The following TRPC1 variants were observed in gnomAD, a reference collection of about 807,000 sequenced individuals.
TRPC1 encodes the protein short transient receptor potential channel 1.
Under a neutral mutation model 88.2 loss-of-function variants are expected in TRPC1, and 42 were observed. The ratio of observed to expected loss-of-function variants is 0.48; its 90% CI spans 0.37 to 0.62. The LOEUF is 0.62. Ranked by LOEUF, TRPC1 falls within the 20% of genes least tolerant of loss-of-function variation. TRPC1 has a pLI of 0.00. For missense variants in TRPC1, 699 were observed against 957.3 expected (o/e 0.73, Z 3.56); for synonymous variants, 288 against 331.8 (o/e 0.87, Z 1.43).
intron 7 of TRPC1, chr3:142,785,389 T>A (rs528223212): frequency 5.9e-4 from 103 of 175,604 alleles, no homozygotes; most frequent in African/African-American, 2.4e-3. Flanking sequence ...TTCTTAGGTA[T>A]TTTGAAACAA....
intron 1 of TRPC1, among the ~76,000 whole-genome samples, chr3:142,731,935 A>G (rs904415226): frequency 3.9e-5 from 6 of 152,192 alleles, no homozygotes; most frequent in Non-Finnish European, 7.3e-5. Context: ...CACATCCACT[A>G]TCATTTGTTT....
chr3:142,804,488 A>G lies in TRPC1; in HGVS notation c.2012A>G (p.Tyr671Cys), dbSNP rs1936722505. The change falls in exon 12 of 13, where the codon TAC becomes TGC. Residue 671 changes from tyrosine (Y) to cysteine (C), a missense_variant. This residue lies in a region of TRPC1 where 11 missense variants were observed against 47.2 expected (regional missense o/e 0.23). Transcript: ENST00000476941. Reference protein sequence around the residue: ...KFARAKLWLSYFDDKCTLPPP... With the variant: ...KFARAKLWLSCFDDKCTLPPP... ...GCTCGAGCAAAATTATGGCTTAGCT[A>G]CTTTGATGACAAATGTACGTTACCT... 6.2e-7 allele frequency: 1 copy of G among 1,613,194 alleles called. No homozygotes were observed. Among genetic ancestry groups the G allele is most frequent in the South Asian group, 1.1e-5 (1 of 90,882 alleles).
chr3:142,777,432 A>G (rs1358111977), intron 4 of TRPC1, among the ~76,000 whole-genome samples, 200 bp from the exon 5 acceptor site: 1 of 152,200 alleles, frequency 6.6e-6, no homozygotes, highest in Non-Finnish European at 1.5e-5. Flanking sequence ...AAAGCAATAG[A>G]TAGCAAGGTT....
At chr3:142,793,001 T>G (rs752088182) in intron 9 of TRPC1, 34 bp downstream of exon 9, 2 of 1,526,820 alleles carry the variant, frequency 1.3e-6, no homozygotes, top group South Asian at 2.5e-5. Flanking sequence ...GAACATTTTT[T>G]AGATGTCATT....
At chr3:142,779,170 T>C (rs1177820803) in intron 5 of TRPC1, among the ~76,000 whole-genome samples, 2 of 152,194 alleles carry the variant, frequency 1.3e-5, no homozygotes, top group Admixed American at 6.5e-5. Context: ...GAAGCGATCA[T>C]AGAAACCCAT....
intron 7 of TRPC1, among the ~76,000 whole-genome samples, chr3:142,790,810 TAAG>T (rs1223963254): frequency 6.6e-6 from 1 of 152,148 alleles, no homozygotes; most frequent in African/African-American, 2.4e-5. Flanking sequence ...AGATGAAACT[TAAG>T]GTTATTTTCT....
Position 142,777,714 on chromosome 3 carries a change from G to A in TRPC1, c.715G>A (p.Glu239Lys). The A allele has an allele frequency of 6.2e-7, 1 of 1,613,286 alleles. No individual in the cohort carries two copies. The highest frequency in any genetic ancestry group is 8.5e-7 in the Non-Finnish European group (1 of 1,179,454). Reference sequence around the variant, plus strand: ...GGAGGATCCAATTCTGAGAGCATTTGAACTTAGTGCTGATTTAAAAGAACT... The same window carrying A: ...GGAGGATCCAATTCTGAGAGCATTTAAACTTAGTGCTGATTTAAAAGAACT... ...TEEDPILRAF[E>K]LSADLKELSL... Residue 239 changes from glutamate to lysine, a missense_variant, in exon 5 of 13, where the codon GAA becomes AAA. Coordinates refer to ENST00000476941, the MANE Select transcript of TRPC1 (RefSeq NM_001251845.2).
chr3:142,764,140 A>C (rs113758308), intron 4 of TRPC1, among the ~76,000 whole-genome samples: 22 of 150,494 alleles, frequency 1.5e-4, no homozygotes, highest in African/African-American at 5.4e-4. Flanking sequence ...TTGTCAACTG[A>C]TATATTTTTA....
At chr3:142,751,693 G>A (rs1202057741) in intron 4 of TRPC1, among the ~76,000 whole-genome samples, 2 of 152,150 alleles carry the variant, frequency 1.3e-5, no homozygotes, top group Non-Finnish European at 2.9e-5. Context: ...TTTAGGTTAA[G>A]GATTGTTAAA....
Position 142,804,558 on chromosome 3 carries a change from G to T in TRPC1, c.2082G>T (p.Met694Ile), listed in dbSNP as rs753816360. 1 of 1,613,334 alleles carries T rather than the reference G, an allele frequency of 6.2e-7. No homozygotes were observed. Among genetic ancestry groups the T allele is most frequent in the Non-Finnish European group, 8.5e-7 (1 of 1,179,582 alleles). The change falls in exon 12 of 13, where the codon ATG becomes ATT. Residue 694 changes from methionine (M) to isoleucine (I), a missense_variant. Around this residue, in one of 4 missense-constraint regions of TRPC1, gnomAD observed 105 missense variants for 141.7 expected, o/e 0.74. Transcript: ENST00000476941. ...IIPSPKTICY[M>I]ISSLSKWICS... ...CCTCACCAAAGACTATCTGCTATAT[G>T]ATTAGTAGCCTCAGTAAGTGGATTT...
chr3:142,786,253 T>C (rs1286913606), intron 7 of TRPC1, among the ~76,000 whole-genome samples: 1 of 152,218 alleles, frequency 6.6e-6, no homozygotes, highest in African/African-American at 2.4e-5. Flanking sequence ...GTACTGAGTG[T>C]ATTTATCTTT....
At chr3:142,788,131 G>A (rs182937328) in intron 7 of TRPC1, among the ~76,000 whole-genome samples, 2 of 152,138 alleles carry the variant, frequency 1.3e-5, no homozygotes, top group African/African-American at 2.4e-5. Context: ...GGAAACCATT[G>A]CCTACCTGAA....
chr3:142,768,657 TTGTTCCTC>T (rs1935477761), intron 4 of TRPC1, among the ~76,000 whole-genome samples: 1 of 152,106 alleles, frequency 6.6e-6, no homozygotes. Context: ...CTCTTTGTTG[TTGTTCCTC>T]TGTTCCTCCT....
intron 6 of TRPC1, among the ~76,000 whole-genome samples, chr3:142,782,435 G>C (rs941700405): frequency 6.6e-6 from 1 of 152,162 alleles, no homozygotes; most frequent in Non-Finnish European, 1.5e-5. Context: ...CTTTGTTTAG[G>C]TTATCAATCT....
rs142169693 is a variant in TRPC1, at chr3:142,800,378, G to A, written c.1582-1791G>A. The stretch of plus-strand genomic sequence containing the variant: ...CACTATGGCAGAGTCTGGGTTACTA[G>A]CTTGTGGCGTGCCTAAGAATTTAAA... On this transcript the variant is annotated intron_variant, in intron 9 of 12. Transcript: ENST00000476941. Among the ~76,000 whole-genome samples the A allele has an allele frequency of 7.9e-4, 121 of 152,212 alleles. 1 individual carries two copies. The highest frequency in any genetic ancestry group is 3.3e-3 in the East Asian group (17 of 5,178).
chr3:142,785,794 C>T (rs915583398), intron 7 of TRPC1, among the ~76,000 whole-genome samples: 2 of 152,130 alleles, frequency 1.3e-5, no homozygotes, highest in Middle Eastern at 3.2e-3. Context: ...CCACCGTGCC[C>T]GGCCTAGAAC....
In TRPC1 at chr3:142,806,203, T is replaced by G; in HGVS notation, c.2350T>G (p.Ser784Ala). 6.2e-7 allele frequency: 1 copy of G among 1,612,428 alleles called. No individual in the cohort carries two copies. The highest frequency in any genetic ancestry group is 8.5e-7 in the Non-Finnish European group (1 of 1,178,636). ...AAGGGATTTACTTGGCTTTCGGACT[T>G]CTAAATATGCTATGTTTTATCCAAG... Reference protein sequence around the residue: ...EIRDLLGFRTSKYAMFYPRN With the variant: ...EIRDLLGFRTAKYAMFYPRN Residue 784 changes from serine to alanine, a missense_variant, in exon 13 of 13, where the codon TCT becomes GCT. Ser to Ala is a moderately conservative substitution (Grantham distance 99). Around this residue, in one of 4 missense-constraint regions of TRPC1, gnomAD observed 105 missense variants for 141.7 expected, o/e 0.74. Transcript: ENST00000476941.
intron 4 of TRPC1, among the ~76,000 whole-genome samples, chr3:142,764,945 T>C (rs573734312): frequency 6.6e-6 from 1 of 152,264 alleles, no homozygotes; most frequent in South Asian, 2.1e-4. Flanking sequence ...TTTGTTCCTT[T>C]TTGTTCTTTT....
intron 6 of TRPC1, among the ~76,000 whole-genome samples, chr3:142,783,465 T>G (rs1473655794): frequency 6.6e-6 from 1 of 152,236 alleles, no homozygotes; most frequent in Non-Finnish European, 1.5e-5. Flanking sequence ...ATCTTTCAAT[T>G]ACTTATAACA....
Sources: allele counts gnomAD v4.1 joint callset (sites outside exome capture counted in the v4.1 genomes callset), GRCh38; gene constraint gnomAD v4.1.1; regional missense constraint gnomAD v4.1.1; transcripts MANE v1.5; gene names NCBI Gene and HGNC (gene_info 2026-07-23, HGNC 2026-07-21).